DUSP14: variants seen among roughly 807,000 people sequenced by gnomAD.
DUSP14 encodes dual specificity protein phosphatase 14.
Under a neutral mutation model 13.2 loss-of-function variants are expected in DUSP14, and 5 were observed. The observed-to-expected ratio is 0.38, with a 90% confidence interval of 0.20 to 0.80. The LOEUF (loss-of-function observed/expected upper bound fraction) is 0.80. Ranked by LOEUF, DUSP14 falls within the 30% of genes least tolerant of loss-of-function variation. The probability of loss-of-function intolerance (pLI) is 0.44; values close to 1 mark genes in which losing one functional copy is unlikely to be tolerated. For synonymous variants in DUSP14, 91 were observed against 103.4 expected, an observed-to-expected ratio of 0.88 and a Z score of 0.73; for missense variants, 185 against 264.0, an observed-to-expected ratio of 0.70 and a Z score of 2.07.
Position 37,512,351 on chromosome 17 carries a change from A to G in DUSP14, c.79A>G (p.Ile27Val). The change falls in exon 3 of 3, where the codon ATT (isoleucine) becomes GTT (valine). Residue 27 changes from isoleucine to valine, a missense_variant. Physicochemically the swap from Ile to Val is conservative, Grantham distance 29. Transcript: ENST00000617516. The surrounding 1 kb of genome is among the most constrained non-coding windows in gnomAD (Gnocchi z 4.8). ...RMISEGDIGG[I>V]AQITSSLFLG... ...GATTTCCGAGGGAGACATAGGAGGC[A>G]TTGCTCAAATCACCTCCTCTCTATT... is the stretch of plus-strand genomic sequence containing the variant. 2 of 1,614,104 alleles carry G rather than the reference A, an allele frequency of 1.2e-6. No homozygotes were observed. The highest frequency in any genetic ancestry group is 1.7e-6 in the Non-Finnish European group (2 of 1,179,996).
At chr17:37,495,068 A>G (rs1339374902) in intron 1 of DUSP14, among the ~76,000 whole-genome samples, 2 of 152,244 alleles carry the variant, frequency 1.3e-5, no homozygotes, top group Non-Finnish European at 2.9e-5. Flanking sequence ...AGTCGTTAGT[A>G]TGAGAACCTG....
At chr17:37,493,855 C>T (rs1381782035) in intron 1 of DUSP14, among the ~76,000 whole-genome samples, 1 of 152,014 alleles carries the variant, frequency 6.6e-6, no homozygotes, top group Non-Finnish European at 1.5e-5. Flanking sequence ...TGTGCAGGAA[C>T]CCAGGCCTAT....
rs1568206490 is a variant in DUSP14 at position 37,512,588 on chromosome 17, G to A, written c.316G>A (p.Ala106Thr). The stretch of plus-strand genomic sequence containing the variant: ...CCACAGTGTGAGCAGGAAGCACGGG[G>A]CCACCTTGGTGCACTGTGCTGCAGG... ...KIHSVSRKHG[A>T]TLVHCAAGVS... Residue 106 changes from alanine to threonine, a missense_variant, in exon 3 of 3, where the codon GCC becomes ACC. By Grantham distance (58) the Ala-to-Thr change is moderately conservative (BLOSUM62 0). Transcript: ENST00000617516. This position sits in a 1 kb window ranked among gnomAD's most constrained non-coding sequence, Gnocchi z 4.8. 9.3e-6 allele frequency: 15 copies of A among 1,614,038 alleles called. No individual in the cohort carries two copies. Among genetic ancestry groups the A allele is most frequent in the African/African-American group, 1.3e-5 (1 of 74,938 alleles).
intron 1 of DUSP14, among the ~76,000 whole-genome samples, chr17:37,495,956 C>T (rs1206650367): frequency 1.3e-5 from 2 of 152,132 alleles, no homozygotes; most frequent in African/African-American, 4.8e-5. Context: ...CCGCGCCCAG[C>T]CTGCTTTAAG....
chr17:37,494,282 C>T (rs1193561397), intron 1 of DUSP14, among the ~76,000 whole-genome samples: 1 of 152,184 alleles, frequency 6.6e-6, no homozygotes, highest in East Asian at 1.9e-4. Context: ...CGTGAGCCAC[C>T]GCACCCAGCC....
Position 37,512,597 on chromosome 17 carries a change from G to A in DUSP14, c.325G>A (p.Val109Met). The change falls in exon 3 of 3, where the codon GTG becomes ATG. Residue 109 changes from valine (V) to methionine (M), a missense_variant. Val to Met is a conservative substitution (Grantham distance 21). Coordinates refer to ENST00000617516, the MANE Select transcript of DUSP14 (RefSeq NM_007026.4). This position sits in a 1 kb window ranked among gnomAD's most constrained non-coding sequence, Gnocchi z 4.8. ...GAGCAGGAAGCACGGGGCCACCTTG[G>A]TGCACTGTGCTGCAGGGGTGAGCCG... ...SVSRKHGATL[V>M]HCAAGVSRSA... The A allele has an allele frequency of 6.2e-7, 1 of 1,614,126 alleles. No individual in the cohort carries two copies. The highest frequency in any genetic ancestry group is 8.5e-7 in the Non-Finnish European group (1 of 1,180,008).
intron 1 of DUSP14, among the ~76,000 whole-genome samples, chr17:37,493,983 ACT>A (rs2054046370): frequency 6.8e-6 from 1 of 146,848 alleles, no homozygotes; most frequent in African/African-American, 2.5e-5. Flanking sequence ...GGAATCAATG[ACT>A]CTTTTAAACT....
chr17:37,491,993 A>C (rs2054031564), intron 1 of DUSP14, among the ~76,000 whole-genome samples: 1 of 152,230 alleles, frequency 6.6e-6, no homozygotes, highest in Admixed American at 6.5e-5. Context: ...GTCCGTTTGC[A>C]CAAAGTGGTT....
At chr17:37,506,150 A>C (rs1446986688) in intron 1 of DUSP14, among the ~76,000 whole-genome samples, 2 of 152,054 alleles carry the variant, frequency 1.3e-5, no homozygotes, top group Non-Finnish European at 2.9e-5. Flanking sequence ...CTGTAATCCC[A>C]GCTACTCGGG....
At chr17:37,496,141 A>G (rs2054063657) in intron 1 of DUSP14, among the ~76,000 whole-genome samples, 1 of 152,232 alleles carries the variant, frequency 6.6e-6, no homozygotes, top group African/African-American at 2.4e-5. Context: ...AACATTTATA[A>G]TGAAGACACA....
At chr17:37,503,799 C>T (rs1053446269) in intron 1 of DUSP14, among the ~76,000 whole-genome samples, 1 of 152,140 alleles carries the variant, frequency 6.6e-6, no homozygotes. Context: ...CAAATCTTTG[C>T]ATTTGTGTCA....
At chr17:37,510,998 A>T (rs866531151) in intron 2 of DUSP14, among the ~76,000 whole-genome samples, 1 of 48,522 alleles carries the variant, frequency 2.1e-5, no homozygotes, top group South Asian at 8.8e-4. Flanking sequence ...TATATATATA[A>T]TATATATCAA....
intron 1 of DUSP14, among the ~76,000 whole-genome samples, chr17:37,495,129 C>T (rs560404423): frequency 6.6e-6 from 1 of 152,322 alleles, no homozygotes; most frequent in Admixed American, 6.5e-5. Flanking sequence ...GTCACCCCTT[C>T]GGCCTTCCAG....
At chr17:37,507,191 C>G (rs1013757098) in intron 1 of DUSP14, among the ~76,000 whole-genome samples, 8 of 152,194 alleles carry the variant, frequency 5.3e-5, no homozygotes, top group Non-Finnish European at 7.3e-5. Context: ...GTGCCCTCTA[C>G]GTGCCCTCTG....
At chr17:37,508,329 AGGGAC>A (rs2054151397) in intron 1 of DUSP14, among the ~76,000 whole-genome samples, 3 of 152,166 alleles carry the variant, frequency 2.0e-5, no homozygotes, top group Admixed American at 2.0e-4. Flanking sequence ...CCCACTCTGG[AGGGAC>A]GGAATCAGAA....
intron 1 of DUSP14, among the ~76,000 whole-genome samples, chr17:37,490,789 G>A (rs563770337): frequency 2.0e-5 from 3 of 152,054 alleles, no homozygotes; most frequent in South Asian, 2.1e-4. Context: ...GTTCATTATC[G>A]TTTTATAAGA....
At position 37,512,495 on chromosome 17, in the gene DUSP14, A is replaced by G; in HGVS notation, c.223A>G (p.Lys75Glu). The part of the protein sequence containing the change: ...NFNWPQFEYV[K>E]VPLADMPHAP... ...CAACTGGCCCCAATTTGAGTATGTT[A>G]AAGTGCCTCTGGCTGACATGCCGCA... Residue 75 changes from lysine to glutamate, a missense_variant, in exon 3 of 3, where the codon AAA (lysine) becomes GAA (glutamate). Lys to Glu is a moderately conservative substitution (Grantham distance 56). Transcript: ENST00000617516. The surrounding 1 kb of genome is among the most constrained non-coding windows in gnomAD (Gnocchi z 4.8). 6.2e-7 allele frequency: 1 copy of G among 1,614,194 alleles called. No homozygotes were observed. Among genetic ancestry groups the G allele is most frequent in the Non-Finnish European group, 8.5e-7 (1 of 1,180,036 alleles).
intron 1 of DUSP14, among the ~76,000 whole-genome samples, chr17:37,499,730 A>G (rs147535415): frequency 0.093 from 14,169 of 151,680 alleles, 870 homozygotes; most frequent in East Asian, 0.25. Context: ...GGGTTTCACC[A>G]TGTTGGCCGG....
chr17:37,509,363 C>T (rs2054168158), intron 1 of DUSP14, among the ~76,000 whole-genome samples: 1 of 139,626 alleles, frequency 7.2e-6, no homozygotes, highest in African/African-American at 2.7e-5. Context: ...GTTGCCCAGG[C>T]TGGAGTGCAG....
Sources: allele counts gnomAD v4.1 joint callset (sites outside exome capture counted in the v4.1 genomes callset), GRCh38; gene constraint gnomAD v4.1.1; non-coding constraint Gnocchi (gnomAD v3.1); transcripts MANE v1.5; gene names NCBI Gene and HGNC (gene_info 2026-07-23, HGNC 2026-07-21).